SPAG16: variants seen among roughly 807,000 people sequenced by gnomAD.
SPAG16 encodes sperm associated antigen 16.
Under a neutral mutation model 80.4 loss-of-function variants are expected in SPAG16, and 86 were observed. That is an observed-to-expected ratio of 1.07 (90% CI 0.90 to 1.28). The LOEUF is 1.28. SPAG16 is among the 50% of genes most tolerant of loss of function. The pLI is 0.00. For synonymous variants in SPAG16, 294 were observed against 265.9 expected (o/e 1.11, Z -1.03); for missense variants, 870 against 765.3 (o/e 1.14, Z -1.61).
intron 11 of SPAG16, among the ~76,000 whole-genome samples, chr2:213,908,118 G>T: frequency 6.6e-6 from 1 of 152,198 alleles, no homozygotes; most frequent in South Asian, 2.1e-4. Flanking sequence ...TCACTCTGTA[G>T]CACATAAATA....
chr2:214,034,995 A>T (rs1485409801), intron 13 of SPAG16, among the ~76,000 whole-genome samples: 2 of 152,170 alleles, frequency 1.3e-5, no homozygotes, highest in Non-Finnish European at 2.9e-5. Context: ...TTTCAAGTGG[A>T]TGGTGAGCAA....
At chr2:213,386,606 G>C (rs1201888077) in intron 9 of SPAG16, among the ~76,000 whole-genome samples, 2 of 152,204 alleles carry the variant, frequency 1.3e-5, no homozygotes, top group Admixed American at 1.3e-4. Flanking sequence ...TGGGTATCTA[G>C]CTTGTTGATA....
intron 9 of SPAG16, among the ~76,000 whole-genome samples, chr2:213,400,165 G>T (rs571314190): frequency 3.8e-4 from 57 of 151,898 alleles, no homozygotes; most frequent in Non-Finnish European, 5.6e-4. Context: ...TAGTTTCATT[G>T]TTATGATCTT....
intron 10 of SPAG16, among the ~76,000 whole-genome samples, chr2:213,647,031 A>G (rs2062845998): frequency 1.3e-5 from 2 of 152,220 alleles, no homozygotes; most frequent in South Asian, 4.1e-4. Context: ...AGAAACATAG[A>G]TGAGTAAAAA....
chr2:213,723,035 C>A (rs1441193587), intron 10 of SPAG16, among the ~76,000 whole-genome samples: 2 of 152,032 alleles, frequency 1.3e-5, no homozygotes, highest in African/African-American at 4.8e-5. Context: ...GAGGGGACAC[C>A]AACATTCAGA....
intron 10 of SPAG16, among the ~76,000 whole-genome samples, chr2:213,673,579 C>G (rs924250710): frequency 6.6e-6 from 1 of 152,134 alleles, no homozygotes; most frequent in East Asian, 1.9e-4. Flanking sequence ...AAGCACATTG[C>G]AGAAGAGGAT....
chr2:214,073,301 A>G lies in SPAG16; in HGVS notation c.1528-34895A>G, dbSNP rs1001555245. Among the ~76,000 whole-genome samples the G allele has an allele frequency of 1.2e-4, 18 of 150,780 alleles. 1 individual carries two copies. The highest frequency in any genetic ancestry group is 4.4e-4 in the African/African-American group (18 of 40,908). On this transcript the variant is annotated intron_variant, in intron 13 of 15. Coordinates refer to ENST00000331683, the MANE Select transcript of SPAG16 (RefSeq NM_024532.5). Reference sequence around the variant, plus strand: ...CACCAGGCTGGAGTGCAGTGGCGCAATCTTGGCTCACTGCAACCTCCAACT... The same window carrying G: ...CACCAGGCTGGAGTGCAGTGGCGCAGTCTTGGCTCACTGCAACCTCCAACT...
intron 14 of SPAG16, among the ~76,000 whole-genome samples, chr2:214,142,621 A>C (rs1189878679): frequency 6.6e-6 from 1 of 152,124 alleles, no homozygotes; most frequent in African/African-American, 2.4e-5. Context: ...CTTTACGTTT[A>C]ATGTAGATGA....
intron 15 of SPAG16, among the ~76,000 whole-genome samples, chr2:214,155,508 CT>C (rs766645682): frequency 9.1e-4 from 132 of 145,556 alleles, no homozygotes; most frequent in Non-Finnish European, 8.4e-4. Context: ...AAAAGATTTA[CT>C]TTTTTTTTTT....
At chr2:213,318,258 T>C (rs997491206) in intron 5 of SPAG16, among the ~76,000 whole-genome samples, 30 of 152,050 alleles carry the variant, frequency 2.0e-4, no homozygotes, top group Admixed American at 2.6e-4. Context: ...AACGTAAGTG[T>C]CCATCAGCAG....
rs1291604878 is a variant in SPAG16, at chr2:213,297,333, A to G, written c.255A>G (p.Glu85=). Residue 85 remains glutamate, a synonymous_variant, in exon 3 of 16, where the codon GAA becomes GAG. Transcript: ENST00000331683. The part of the protein sequence containing the change: ...DLAKAIQMAQ[E]QATDTEILER... ...CAAAAGCAATTCAGATGGCCCAAGA[A>G]CAGGCTACAGATACTGAAATTTTGG... is the stretch of plus-strand genomic sequence containing the variant. 2 of 1,611,880 alleles carry G rather than the reference A, an allele frequency of 1.2e-6. No individual in the cohort carries two copies. The highest frequency in any genetic ancestry group is 2.7e-5 in the African/African-American group (2 of 74,826).
At chr2:213,416,732 T>G (rs1165262357) in intron 9 of SPAG16, among the ~76,000 whole-genome samples, 1 of 152,160 alleles carries the variant, frequency 6.6e-6, no homozygotes, top group Non-Finnish European at 1.5e-5. Flanking sequence ...GATGGTCAGT[T>G]GGATCCAGCC....
intron 10 of SPAG16, among the ~76,000 whole-genome samples, chr2:213,794,003 A>T (rs1281627224): frequency 5.3e-5 from 8 of 152,138 alleles, no homozygotes; most frequent in African/African-American, 1.9e-4. Flanking sequence ...AACATCATCA[A>T]ATTCTTAAAT....
chr2:214,318,218 C>T (rs1349770610), intron 15 of SPAG16, among the ~76,000 whole-genome samples: 7 of 151,850 alleles, frequency 4.6e-5, no homozygotes, highest in Non-Finnish European at 8.8e-5. Flanking sequence ...GACTGATATG[C>T]GATACTTGGA....
intron 10 of SPAG16, among the ~76,000 whole-genome samples, chr2:213,642,362 G>C (rs1418148743): frequency 6.6e-6 from 1 of 152,116 alleles, no homozygotes; most frequent in Non-Finnish European, 1.5e-5. Flanking sequence ...CTATCGGCAA[G>C]TTTTTTCATC....
At chr2:213,567,021 G>A (rs1051376073) in intron 10 of SPAG16, among the ~76,000 whole-genome samples, 1 of 151,976 alleles carries the variant, frequency 6.6e-6, no homozygotes, top group African/African-American at 2.4e-5. Context: ...ATAATATAAT[G>A]TTCATCCTTC....
At chr2:213,639,939 C>CT (rs1005674313) in intron 10 of SPAG16, among the ~76,000 whole-genome samples, 3 of 152,032 alleles carry the variant, frequency 2.0e-5, no homozygotes, top group Admixed American at 6.6e-5. Flanking sequence ...TTCTTAAATT[C>CT]TTTTTTTCTT....
chr2:213,782,397 C>T (rs1262567615), intron 10 of SPAG16, among the ~76,000 whole-genome samples: 2 of 151,946 alleles, frequency 1.3e-5, no homozygotes, highest in Non-Finnish European at 2.9e-5. Context: ...AATGGAAGAG[C>T]ATTTAAGAAG....
Position 213,313,351 on chromosome 2 carries a change from C to T in SPAG16, c.398+3174C>T, listed in dbSNP as rs185221105. Among the ~76,000 whole-genome samples the T allele has an allele frequency of 1.5e-3, 232 of 151,960 alleles. 1 individual carries two copies. The highest frequency in any genetic ancestry group is 5.3e-3 in the African/African-American group (220 of 41,516). ...ATATTTAAGAAGGTGAAGCCTTAGG[C>T]TTATCACTCAGAAATTTACTTTGTA... On this transcript the variant is annotated intron_variant, in intron 4 of 15. Coordinates refer to ENST00000331683, the MANE Select transcript of SPAG16 (RefSeq NM_024532.5).
Sources: gnomAD v4.1 joint callset for allele counts (sites outside exome capture counted in the v4.1 genomes callset) on GRCh38, gnomAD v4.1.1 for gene constraint, MANE v1.5 for transcripts, NCBI Gene and HGNC (gene_info 2026-07-23, HGNC 2026-07-21) for gene names.